NBPF8: variants seen among roughly 807,000 people sequenced by gnomAD.
NBPF8 encodes NBPF family member NBPF8.
intron 15 of NBPF8, 27 bp downstream of exon 13, chr1:120,454,141 T>C (rs1266093203): frequency 1.4e-4 from 228 of 1,608,550 alleles, no homozygotes; most frequent in Non-Finnish European, 1.7e-4. Flanking sequence ...TTGTGTCTCA[T>C]ACCTCTCTCT....
intron 15 of NBPF8, among the ~76,000 whole-genome samples, chr1:120,454,698 C>A (rs1570940913): frequency 3.0e-5 from 1 of 33,100 alleles, no homozygotes; most frequent in Non-Finnish European, 5.8e-5. Context: ...TTTGTAGCAT[C>A]GTGGATTTTT....
chr1:120,434,564 T>A (rs1661019526), upstream of NBPF8, among the ~76,000 whole-genome samples: 1 of 150,972 alleles, frequency 6.6e-6, no homozygotes, highest in African/African-American at 2.4e-5. Context: ...TGTCCAAGTG[T>A]TCTCATTGTT....
At chr1:120,425,390 T>A (rs1429044585) in intron 1 of NBPF8, among the ~76,000 whole-genome samples, 3 of 152,016 alleles carry the variant, frequency 2.0e-5, no homozygotes, top group Non-Finnish European at 4.4e-5. Flanking sequence ...ATTGAGATGT[T>A]TCTGTATATG....
chr1:120,415,647 G>A (rs61806649), upstream of NBPF8, among the ~76,000 whole-genome samples: 2 of 152,212 alleles, frequency 1.3e-5, no homozygotes, highest in South Asian at 4.1e-4. Flanking sequence ...GGACCTGAGA[G>A]GCGAGACCAC....
At chr1:120,428,102 T>C (rs1402871683) in intron 3 of NBPF8, among the ~76,000 whole-genome samples, 45 of 152,338 alleles carry the variant, frequency 3.0e-4, no homozygotes, top group Admixed American at 7.8e-4. Flanking sequence ...AAATATTGCC[T>C]TGTTTCCTTT....
upstream of NBPF8, among the ~76,000 whole-genome samples, chr1:120,416,871 G>A (rs1442106372): frequency 1.3e-5 from 2 of 148,828 alleles, no homozygotes; most frequent in African/African-American, 2.5e-5. Context: ...CATTCTAGTA[G>A]GGGTGCAGTA....
rs1236823908 is a variant in NBPF8 at position 120,452,123 on chromosome 1, T to C, written n.2081T>C. On this transcript the variant is annotated non_coding_transcript_exon_variant, in exon 13 of 25. Coordinates refer to ENST00000583271, the Ensembl canonical transcript of NBPF8. ...CTCTACCGTCTCACCTTAGGCAATA[T>C]AAAGTCCTGGTTCACACTCAGGAAC... is the stretch of plus-strand genomic sequence containing the variant. 8.4e-4 allele frequency: 1,348 copies of C among 1,603,072 alleles called. 1 individual carries two copies. The highest frequency in any genetic ancestry group is 9.4e-4 in the Non-Finnish European group (1,099 of 1,173,330).
chr1:120,418,964 T>TTC (rs1660499410), upstream of NBPF8, among the ~76,000 whole-genome samples: 1 of 151,866 alleles, frequency 6.6e-6, no homozygotes, highest in Non-Finnish European at 1.5e-5. Flanking sequence ...TTTGTATGTG[T>TTC]TCAATCTCAT....
At chr1:120,415,946 G>A (rs1300430837), upstream of NBPF8, among the ~76,000 whole-genome samples, 1 of 152,194 alleles carries the variant, frequency 6.6e-6, no homozygotes, top group Non-Finnish European at 1.5e-5. Context: ...TAACCAAGAC[G>A]TTTGGCGTGG....
chr1:120,416,788 T>C (rs1260171725), upstream of NBPF8, among the ~76,000 whole-genome samples: 3 of 151,872 alleles, frequency 2.0e-5, no homozygotes, highest in Non-Finnish European at 4.4e-5. Flanking sequence ...CCCAAAGTGG[T>C]TGTACCATTT....
At chr1:120,433,115 T>G (rs1482368322), upstream of NBPF8, 1 of 152,234 alleles carries the variant, frequency 6.6e-6, no homozygotes, top group African/African-American at 2.4e-5. Flanking sequence ...CTTGGAAGAC[T>G]CAATTTTGTT....
chr1:120,450,173 G>A (rs1204319532), intron 11 of NBPF8, among the ~76,000 whole-genome samples: 141 of 152,236 alleles, frequency 9.3e-4, no homozygotes, highest in Admixed American at 2.2e-3. Flanking sequence ...GTTGCAGTGA[G>A]CCAAGGTTTT....
upstream of NBPF8, among the ~76,000 whole-genome samples, chr1:120,435,458 C>G (rs1228193294): frequency 2.5e-5 from 3 of 119,372 alleles, no homozygotes; most frequent in East Asian, 4.0e-4. Context: ...GTGTGATAAT[C>G]ATACAATCAA....
At chr1:120,431,526 G>T (rs1485226017), upstream of NBPF8, among the ~76,000 whole-genome samples, 10 of 151,552 alleles carry the variant, frequency 6.6e-5, no homozygotes, top group Middle Eastern at 3.4e-3. Flanking sequence ...ATTAGCATAG[G>T]AAAAGATGCT....
At chr1:120,433,037 C>T (rs1660928969), upstream of NBPF8, 1 of 152,086 alleles carries the variant, frequency 6.6e-6, no homozygotes, top group South Asian at 2.1e-4. Flanking sequence ...GAAGCAGGTA[C>T]AAGGCCCCTA....
chr1:120,435,663 A>G (rs1182115554), upstream of NBPF8, among the ~76,000 whole-genome samples: 3 of 151,040 alleles, frequency 2.0e-5, no homozygotes, highest in Non-Finnish European at 2.9e-5. Context: ...TAACACAGTG[A>G]AACCCCGTCT....
exon 25 of NBPF8, chr1:120,466,160 T>C: frequency 6.2e-7 from 1 of 1,610,006 alleles, no homozygotes; most frequent in Non-Finnish European, 8.5e-7. Flanking sequence ...AATAGGTTCT[T>C]TACTTTGACG....
intron 3 of NBPF8, among the ~76,000 whole-genome samples, chr1:120,429,010 C>T (rs1411188923): frequency 6.6e-6 from 1 of 150,412 alleles, no homozygotes; most frequent in Admixed American, 6.6e-5. Context: ...ATAACATCCC[C>T]TCCTCCTTCC....
intron 11 of NBPF8, among the ~76,000 whole-genome samples, chr1:120,449,616 T>G (rs1661201146): frequency 6.6e-6 from 1 of 152,280 alleles, no homozygotes; most frequent in Admixed American, 6.5e-5. Flanking sequence ...GGGGTGGGAC[T>G]AGAGTTAAAC....
Sources: gnomAD v4.1 joint callset for allele counts (sites outside exome capture counted in the v4.1 genomes callset) on GRCh38, gnomAD v4.1.1 for gene constraint, MANE v1.5 for transcripts, NCBI Gene and HGNC (gene_info 2026-07-23, HGNC 2026-07-21) for gene names.